ATG4C: variants seen among roughly 807,000 people sequenced by gnomAD.
The protein encoded by ATG4C is cysteine protease ATG4C.
In ATG4C, 56 loss-of-function variants were observed where a neutral mutation model predicts 57.6. The ratio of observed to expected loss-of-function variants is 0.97; its 90% CI spans 0.78 to 1.21. The LOEUF is 1.21. ATG4C is among the 50% of genes most tolerant of loss of function. ATG4C has a pLI of 0.00. For synonymous variants in ATG4C, 157 were observed against 174.1 expected, an observed-to-expected ratio of 0.90 and a Z score of 0.78; for missense variants, 595 against 529.8, an observed-to-expected ratio of 1.12 and a Z score of -1.21.
Position 62,864,111 on chromosome 1 carries a change from A to G in ATG4C, c.1329A>G (p.Glu443=), listed in dbSNP as rs150907217. The change falls in exon 11 of 11, where the codon GAA becomes GAG. Residue 443 remains glutamate (E), a synonymous_variant. Transcript: ENST00000317868. ...TNEEDLFSED[E]KKQLKRFSTE... Reference sequence around the variant, plus strand: ...AAGAAGACCTTTTTTCAGAGGATGAAAAGAAACAATTAAAAAGATTTAGCA... The same window carrying G: ...AAGAAGACCTTTTTTCAGAGGATGAGAAGAAACAATTAAAAAGATTTAGCA... The G allele has an allele frequency of 5.7e-4, 913 of 1,609,096 alleles. 3 individuals are homozygous for G. The highest frequency in any genetic ancestry group is 6.8e-4 in the Non-Finnish European group (798 of 1,178,068).
At position 62,864,691 on chromosome 1, in the gene ATG4C, G is replaced by T. The variant is rs1666954560; in HGVS notation, c.*532G>T. 6.6e-6 allele frequency: 1 copy of T among 152,098 alleles called. No individual in the cohort carries two copies. The highest frequency in any genetic ancestry group is 6.6e-5 in the Admixed American group (1 of 15,256). 9.4% of individuals were successfully genotyped at this position (152,098 alleles called of 1,614,324 possible). A position where few individuals can be genotyped will look rare whatever the true frequency, so the allele number is the denominator to read the frequency against. On this transcript the variant is annotated 3_prime_UTR_variant, in exon 11 of 11. Transcript: ENST00000317868. ...CATACACTTATATAAGCAGAATTAT[G>T]AGTTAAAGTAATACTTAGCAATATG...
Position 62,816,593 on chromosome 1 carries a change from C to G in ATG4C, c.179C>G (p.Pro60Arg), listed in dbSNP as rs868639477. 6.2e-7 allele frequency: 1 copy of G among 1,609,182 alleles called. No individual in the cohort carries two copies. The highest frequency in any genetic ancestry group is 1.1e-5 in the South Asian group (1 of 90,186). The change falls in exon 4 of 11, where the codon CCT (proline) becomes CGT (arginine). Residue 60 changes from proline (P) to arginine (R), a missense_variant. Coordinates refer to ENST00000317868, the MANE Select transcript of ATG4C (RefSeq NM_032852.4). ...TTTTTAGATGAAGATAAAACGTTAC[C>G]TGCAGAGTCGGGATGTACAATAGAG... ...FKYEDEDKTL[P>R]AESGCTIEDH... is the part of the protein sequence containing the mutation.
intron 1 of ATG4C, among the ~76,000 whole-genome samples, chr1:62,794,111 T>C (rs1664383972): frequency 6.6e-6 from 1 of 152,234 alleles, no homozygotes; most frequent in Non-Finnish European, 1.5e-5. Flanking sequence ...CTAGGTGTCA[T>C]TAATAATTCT....
Position 62,793,618 on chromosome 1 carries a change from A to AAAAAAAAAAAAAC in ATG4C, c.-69+9347_-69+9348insAAAAAAAAAACAA, listed in dbSNP as rs1553221617. On this transcript the variant is annotated intron_variant, in intron 1 of 10. Coordinates refer to ENST00000317868, the MANE Select transcript of ATG4C (RefSeq NM_032852.4). ...TCTCGAAAAAAAAAAAAAAAAAAAA[A>AAAAAAAAAAAAAC]AACCAAAAAAACAAACAAAAAACCA... Among the ~76,000 whole-genome samples the AAAAAAAAAAAAAC allele has an allele frequency of 9.6e-5, 10 of 104,050 alleles. 1 individual carries two copies. The highest frequency in any genetic ancestry group is 9.3e-5 in the Non-Finnish European group (5 of 53,880). 68.3% of individuals were successfully genotyped at this position (104,050 alleles called of 152,430 possible). A position where few individuals can be genotyped will look rare whatever the true frequency, so the allele number is the denominator to read the frequency against.
chr1:62,805,496 A>C lies in ATG4C; in HGVS notation c.160+241A>C, dbSNP rs142884810. ...GACTTATAGTATGAGTACTAAGTAA[A>C]TATTATTTGAATTGATATGTTAATA... is the stretch of plus-strand genomic sequence containing the variant. On this transcript the variant is annotated intron_variant, in intron 3 of 10. Coordinates refer to ENST00000317868, the MANE Select transcript of ATG4C (RefSeq NM_032852.4). Among the ~76,000 whole-genome samples, 1,403 of 152,178 alleles carry C rather than the reference A, an allele frequency of 9.2e-3. 7 individuals are homozygous for C. The highest frequency in any genetic ancestry group is 0.042 in the South Asian group (201 of 4,828).
rs1176714287 is a variant in ATG4C at position 62,864,866 on chromosome 1, A to G, written c.*707A>G. On this transcript the variant is annotated 3_prime_UTR_variant, in exon 11 of 11. Transcript: ENST00000317868. ...AGTCAGATAAAGGCAACTATAAAAT[A>G]GTAGTAGTGTTTGTTTCCTATCTCA... 1 of 151,956 alleles carries G rather than the reference A, an allele frequency of 6.6e-6. No homozygotes were observed. The highest frequency in any genetic ancestry group is 2.4e-5 in the African/African-American group (1 of 41,442). 9.4% of individuals were successfully genotyped at this position (151,956 alleles called of 1,614,324 possible).
chr1:62,787,947 T>C (rs1030206923), intron 1 of ATG4C, among the ~76,000 whole-genome samples: 6 of 152,078 alleles, frequency 3.9e-5, no homozygotes, highest in Non-Finnish European at 5.9e-5. Flanking sequence ...AAAACTCAAT[T>C]TGAGAAAAAA....
At chr1:62,854,195 A>T (rs1053258758) in intron 10 of ATG4C, among the ~76,000 whole-genome samples, 2 of 150,950 alleles carry the variant, frequency 1.3e-5, no homozygotes, top group South Asian at 2.1e-4. Flanking sequence ...TAAAATAGTA[A>T]TTTTGAAGTT....
chr1:62,819,574 C>A (rs962187162), intron 5 of ATG4C, among the ~76,000 whole-genome samples: 2 of 151,974 alleles, frequency 1.3e-5, no homozygotes, highest in African/African-American at 4.8e-5. Flanking sequence ...CATCCCAGGT[C>A]TCTTTCTAAC....
At chr1:62,830,727 G>A (rs1665814340) in intron 7 of ATG4C, among the ~76,000 whole-genome samples, 1 of 152,082 alleles carries the variant, frequency 6.6e-6, no homozygotes, top group Non-Finnish European at 1.5e-5. Flanking sequence ...GACCTGGAAT[G>A]AGGAAAATCC....
In ATG4C at chr1:62,864,091, G is replaced by A; in HGVS notation, c.1309G>A (p.Asp437Asn). 6.2e-7 allele frequency: 1 copy of A among 1,607,760 alleles called. No homozygotes were observed. Among genetic ancestry groups the A allele is most frequent in the Non-Finnish European group, 8.5e-7 (1 of 1,177,514 alleles). ...TACATCTACTACAACCAATGAAGAA[G>A]ACCTTTTTTCAGAGGATGAAAAGAA... ...DFTSTTTNEE[D>N]LFSEDEKKQL... Residue 437 changes from aspartate (D) to asparagine (N), a missense_variant, in exon 11 of 11, where the codon GAC becomes AAC. Transcript: ENST00000317868.
rs1665950367 is a variant in ATG4C at position 62,834,845 on chromosome 1, C to T, written c.1082C>T (p.Pro361Leu). The T allele has an allele frequency of 6.2e-7, 1 of 1,611,230 alleles. No individual in the cohort carries two copies. The highest frequency in any genetic ancestry group is 8.5e-7 in the Non-Finnish European group (1 of 1,178,000). The stretch of plus-strand genomic sequence containing the variant: ...GTAGATGTCAGCATAAAGGATTTCC[C>T]TCTTGAGGTACTGTGGATAAAAAGC... ...SFVDVSIKDF[P>L]LETFHCPSPK... is the part of the protein sequence containing the mutation. Residue 361 changes from proline (P) to leucine (L), a missense_variant, in exon 9 of 11, where the codon CCT becomes CTT. Physicochemically the swap from Pro to Leu is moderately conservative, Grantham distance 98. Coordinates refer to ENST00000317868, the MANE Select transcript of ATG4C (RefSeq NM_032852.4).
intron 10 of ATG4C, among the ~76,000 whole-genome samples, chr1:62,862,151 A>C (rs989604968): frequency 2.0e-4 from 31 of 152,222 alleles, no homozygotes; most frequent in Non-Finnish European, 4.3e-4. Context: ...TCCAAGCCTG[A>C]ATCAATAAAT....
rs71045857 is a variant in ATG4C, at chr1:62,842,301, AT to A, written c.1209+771del. On this transcript the variant is annotated intron_variant, in intron 10 of 10. Transcript: ENST00000317868. Reference sequence around the variant, plus strand: ...AGACCAATACTCGTCATTTTTGGGAATTTTTTTTTTTTTTTTTGAGACTAGG... The same window carrying A: ...AGACCAATACTCGTCATTTTTGGGAATTTTTTTTTTTTTTTTGAGACTAGG... 2.4e-3 allele frequency among the ~76,000 whole-genome samples: 334 copies of A among 139,484 alleles called. 2 individuals carry two copies. The highest frequency in any genetic ancestry group is 4.8e-3 in the African/African-American group (179 of 37,666). 91.5% of individuals were successfully genotyped at this position (139,484 alleles called of 152,430 possible).
At chr1:62,830,121 T>A (rs1665793414) in intron 7 of ATG4C, among the ~76,000 whole-genome samples, 2 of 152,166 alleles carry the variant, frequency 1.3e-5, no homozygotes, top group Non-Finnish European at 2.9e-5. Flanking sequence ...GGAAGTTTTT[T>A]AGCTGGTATA....
At chr1:62,807,110 C>A (rs1159911284) in intron 3 of ATG4C, among the ~76,000 whole-genome samples, 1 of 152,078 alleles carries the variant, frequency 6.6e-6, no homozygotes, top group Non-Finnish European at 1.5e-5. Context: ...TGATCATGCC[C>A]AGAAGGAGCA....
At chr1:62,811,877 T>A (rs1572116301) in intron 3 of ATG4C, among the ~76,000 whole-genome samples, 1 of 152,200 alleles carries the variant, frequency 6.6e-6, no homozygotes, top group Non-Finnish European at 1.5e-5. Flanking sequence ...CATCCTTTTG[T>A]TCAACTTCAT....
intron 2 of ATG4C, among the ~76,000 whole-genome samples, chr1:62,804,511 T>A (rs990261974): frequency 1.9e-4 from 29 of 152,252 alleles, no homozygotes; most frequent in African/African-American, 6.7e-4. Context: ...CCTTGGCTTT[T>A]CAGATACAAT....
At chr1:62,850,848 A>ATGTGTG (rs1318478422) in intron 10 of ATG4C, among the ~76,000 whole-genome samples, 2 of 37,672 alleles carry the variant, frequency 5.3e-5, no homozygotes, top group African/African-American at 2.3e-4. Flanking sequence ...ATGTGTGTGT[A>ATGTGTG]TGTATGTATA....
Sources: gnomAD v4.1 joint callset for allele counts (sites outside exome capture counted in the v4.1 genomes callset) on GRCh38, gnomAD v4.1.1 for gene constraint, MANE v1.5 for transcripts, NCBI Gene and HGNC (gene_info 2026-07-23, HGNC 2026-07-21) for gene names.